Variants in ASPH observed in about 807,000 individuals in gnomAD.
ASPH encodes aspartate beta-hydroxylase, also known as aspartyl/asparaginyl beta-hydroxylase.
ASPH carries 100 observed loss-of-function variants against 118.4 expected under a neutral mutation model. The ratio of observed to expected loss-of-function variants is 0.84; its 90% CI spans 0.72 to 1.00. ASPH has a LOEUF of 1.00. Ranked by LOEUF, ASPH falls within the 50% of genes least tolerant of loss-of-function variation. The probability of loss-of-function intolerance (pLI) is 0.00; values close to 1 mark genes in which losing one functional copy is unlikely to be tolerated. For missense variants in ASPH, 920 were observed against 919.5 expected (o/e 1.00, Z -0.01); for synonymous variants, 315 against 325.6 (o/e 0.97, Z 0.35).
At chr8:61,615,383 T>C (rs1848679688) in intron 14 of ASPH, among the ~76,000 whole-genome samples, 1 of 152,164 alleles carries the variant, frequency 6.6e-6, no homozygotes, top group African/African-American at 2.4e-5. Context: ...TTTCCTGTCT[T>C]ATATTCCTTT....
In ASPH at chr8:61,576,794, C is replaced by T. The variant is rs773731675; in HGVS notation, c.1127G>A (p.Arg376Gln). The change falls in exon 16 of 25, where the codon CGA becomes CAA. Residue 376 changes from arginine to glutamine, a missense_variant. Transcript: ENST00000379454. ...TACCTGCGCCTTCCCATATCTTGCTCGTGGACTCTGAGGGTATTTGCGTAC... is the reference window on the plus strand; with the variant it reads ...TACCTGCGCCTTCCCATATCTTGCTTGTGGACTCTGAGGGTATTTGCGTAC... ...ELVRKYPQSP[R>Q]ARYGKAQCED... 2.2e-5 allele frequency: 35 copies of T among 1,609,328 alleles called. No homozygotes were observed. Among genetic ancestry groups the T allele is most frequent in the Admixed American group, 1.0e-4 (6 of 59,942 alleles).
At chr8:61,696,329 A>G (rs907720460) in intron 1 of ASPH, among the ~76,000 whole-genome samples, 3 of 152,196 alleles carry the variant, frequency 2.0e-5, no homozygotes, top group Admixed American at 6.5e-5. Context: ...CGAAAGTGAA[A>G]TATCAGCAAT....
chr8:61,550,493 G>C (rs908105471), intron 20 of ASPH, among the ~76,000 whole-genome samples: 1 of 148,762 alleles, frequency 6.7e-6, no homozygotes, highest in African/African-American at 2.5e-5. Flanking sequence ...GAGAGAGAGA[G>C]AGAGAGACAG....
At chr8:61,636,965 CG>C (rs1203074534) in intron 12 of ASPH, among the ~76,000 whole-genome samples, 2 of 152,134 alleles carry the variant, frequency 1.3e-5, no homozygotes, top group African/African-American at 4.8e-5. Context: ...AGCAGCTAAG[CG>C]GACACAGACA....
chr8:61,701,678 A>T (rs749232592), intron 1 of ASPH, among the ~76,000 whole-genome samples: 1 of 152,240 alleles, frequency 6.6e-6, no homozygotes, highest in Admixed American at 6.5e-5. Context: ...AATAAATCTT[A>T]AGATTCAAGA....
chr8:61,553,748 C>T (rs1018183228), intron 19 of ASPH, among the ~76,000 whole-genome samples: 5 of 152,114 alleles, frequency 3.3e-5, no homozygotes, highest in Non-Finnish European at 7.3e-5. Flanking sequence ...GATTGATGAA[C>T]CCCATTCCCG....
At chr8:61,605,267 C>A (rs367698497) in intron 14 of ASPH, among the ~76,000 whole-genome samples, 21 of 152,312 alleles carry the variant, frequency 1.4e-4, no homozygotes, top group African/African-American at 4.8e-4. Context: ...TATCAGATTA[C>A]TCTTCTATTG....
chr8:61,561,787 G>C (rs1830048158), intron 18 of ASPH, among the ~76,000 whole-genome samples: 1 of 152,184 alleles, frequency 6.6e-6, no homozygotes, highest in Admixed American at 6.5e-5. Context: ...ATTTAGCTGG[G>C]CATGGTGGCA....
intron 1 of ASPH, among the ~76,000 whole-genome samples, chr8:61,707,688 G>A (rs931453577): frequency 6.6e-6 from 1 of 152,140 alleles, no homozygotes; most frequent in East Asian, 1.9e-4. Context: ...AGTGGCCTGC[G>A]ATAGGATGGC....
At chr8:61,576,729 T>G (rs532158834) in intron 16 of ASPH, 43 bp downstream of exon 16, 1 of 1,537,576 alleles carries the variant, frequency 6.5e-7, no homozygotes, top group Admixed American at 1.9e-5. Context: ...ACAAAACACA[T>G]GAACATCAAA....
intron 14 of ASPH, among the ~76,000 whole-genome samples, chr8:61,593,708 A>G (rs1012766770): frequency 2.0e-5 from 3 of 152,178 alleles, no homozygotes; most frequent in Admixed American, 6.5e-5. Context: ...TAATCCTTTA[A>G]CAGATGTGAC....
chr8:61,663,788 T>A, intron 3 of ASPH: 1 of 978,516 alleles, frequency 1.0e-6, no homozygotes, highest in South Asian at 4.7e-5. Flanking sequence ...CTCTGTTGTA[T>A]AATTCTATTG....
In ASPH at chr8:61,618,710, C is replaced by T. The variant is rs555281001; in HGVS notation, c.976+268G>A. Reference sequence around the variant, plus strand: ...TACGTTACAGAAGAGAAAACTGAGGCACAAAAGTTAAGTATTTTTCCCAAG... The same window carrying T: ...TACGTTACAGAAGAGAAAACTGAGGTACAAAAGTTAAGTATTTTTCCCAAG... On this transcript the variant is annotated intron_variant, in intron 14 of 24. Transcript: ENST00000379454. Among the ~76,000 whole-genome samples the T allele has an allele frequency of 3.9e-5, 6 of 152,258 alleles. No individual in the cohort carries two copies. In the East Asian group the frequency reaches 1.2e-3, roughly 29 times the overall value.
At chr8:61,693,771 C>T (rs1003741793) in intron 1 of ASPH, among the ~76,000 whole-genome samples, 1 of 152,170 alleles carries the variant, frequency 6.6e-6, no homozygotes, top group Non-Finnish European at 1.5e-5. Context: ...TGCATATCCC[C>T]TCTTCACCTC....
Position 61,646,891 on chromosome 8 carries a change from A to G in ASPH, c.491-13T>C, listed in dbSNP as rs1263289923. The G allele has an allele frequency of 1.2e-6, 2 of 1,613,598 alleles. No homozygotes were observed. Among genetic ancestry groups the G allele is most frequent in the East Asian group, 4.5e-5 (2 of 44,876 alleles). On this transcript the variant is annotated splice_polypyrimidine_tract_variant and intron_variant, in intron 5 of 24. Coordinates refer to ENST00000379454, the MANE Select transcript of ASPH (RefSeq NM_004318.4). ...TCTTCTCCCTCAACTATGACAATGA[A>G]CAAAGTGACACTGGCAACATACAAC...
Position 61,502,747 on chromosome 8 carries a change from C to T in ASPH, c.*612G>A, listed in dbSNP as rs1413263298. On this transcript the variant is annotated 3_prime_UTR_variant, in exon 25 of 25. Coordinates refer to ENST00000379454, the MANE Select transcript of ASPH (RefSeq NM_004318.4). The stretch of plus-strand genomic sequence containing the variant: ...AACGATTTGAGAGTTGGGATGGGTA[C>T]AGTTCATAGACACTGACATAATGAG... 6.6e-6 allele frequency: 1 copy of T among 152,136 alleles called. No homozygotes were observed. Among genetic ancestry groups the T allele is most frequent in the Non-Finnish European group, 1.5e-5 (1 of 68,018 alleles). 9.4% of individuals were successfully genotyped at this position (152,136 alleles called of 1,614,324 possible). A position where few individuals can be genotyped will look rare whatever the true frequency, so the allele number is the denominator to read the frequency against.
chr8:61,668,852 A>G (rs1031227556), intron 3 of ASPH, among the ~76,000 whole-genome samples: 1 of 152,206 alleles, frequency 6.6e-6, no homozygotes, highest in African/African-American at 2.4e-5. Context: ...ATAGCTTTCT[A>G]TTTCCTCTCT....
chr8:61,515,470 C>T (rs1006571481), intron 24 of ASPH, among the ~76,000 whole-genome samples: 4 of 152,140 alleles, frequency 2.6e-5, no homozygotes, highest in East Asian at 1.9e-4. Flanking sequence ...TTCCTCCTTC[C>T]GTCTTCTAAA....
chr8:61,583,887 G>C, intron 15 of ASPH, 57 bp downstream of exon 15: 1 of 1,106,118 alleles, frequency 9.0e-7, no homozygotes, highest in East Asian at 2.5e-5. Flanking sequence ...AACAAATCAA[G>C]AGTAATGCCT....
Sources: gnomAD v4.1 joint callset for allele counts (sites outside exome capture counted in the v4.1 genomes callset) on GRCh38, gnomAD v4.1.1 for gene constraint, MANE v1.5 for transcripts, NCBI Gene and HGNC (gene_info 2026-07-23, HGNC 2026-07-21) for gene names.